The following BBS5 variants were observed in gnomAD, a reference collection of about 807,000 sequenced individuals.
BBS5 encodes Bardet-Biedl syndrome 5, also known as BBSome complex member BBS5.
A neutral mutation model predicts 50.2 loss-of-function variants in BBS5; 39 were observed. The observed-to-expected ratio is 0.78, with a 90% confidence interval of 0.60 to 1.01. BBS5 has a LOEUF of 1.01. Among genes scored for constraint, BBS5 ranks in the 50% least tolerant of loss-of-function variants. The probability of loss-of-function intolerance (pLI) is 0.00; values close to 1 mark genes in which losing one functional copy is unlikely to be tolerated. For missense variants in BBS5, 356 were observed against 401.5 expected (o/e 0.89, Z 0.97); for synonymous variants, 134 against 133.1 (o/e 1.01, Z -0.05).
chr2:169,505,145 C>T lies in BBS5; in HGVS notation c.*563C>T, dbSNP rs947983521. 24 of 688,630 alleles carry T rather than the reference C, an allele frequency of 3.5e-5. No homozygotes were observed. Among genetic ancestry groups the T allele is most frequent in the Middle Eastern group, 3.6e-4 (1 of 2,746 alleles). 42.7% of individuals were successfully genotyped at this position (688,630 alleles called of 1,614,324 possible). A position where few individuals can be genotyped will look rare whatever the true frequency, so the allele number is the denominator to read the frequency against. On this transcript the variant is annotated 3_prime_UTR_variant, in exon 12 of 12. Transcript: ENST00000295240. ...GGTTTTCGTATTTTTTTGGTGGAGA[C>T]GGGGTTTCGCTGTGTTGGCCGGGCT...
At chr2:169,502,999 T>C in intron 9 of BBS5, 96 bp from the exon 10 acceptor site, 1 of 893,250 alleles carries the variant, frequency 1.1e-6, no homozygotes, top group South Asian at 1.4e-5. Flanking sequence ...TTTATAAGAC[T>C]TTAGTAGTTT....
chr2:169,495,572 G>A (rs1683677633), intron 7 of BBS5, among the ~76,000 whole-genome samples: 1 of 152,084 alleles, frequency 6.6e-6, no homozygotes, highest in Admixed American at 6.6e-5. Flanking sequence ...TCAGCTTCTT[G>A]CCAGTTTCTG....
At chr2:169,503,920 C>T (rs1477270132) in intron 10 of BBS5, among the ~76,000 whole-genome samples, 2 of 152,140 alleles carry the variant, frequency 1.3e-5, no homozygotes, top group African/African-American at 4.8e-5. Context: ...TTTTGTTTTG[C>T]CAGTATCATC....
intron 8 of BBS5, 64 bp from the exon 9 acceptor site, chr2:169,499,422 C>G: frequency 6.7e-7 from 1 of 1,491,416 alleles, no homozygotes; most frequent in Non-Finnish European, 9.2e-7. Context: ...TATAATTTAT[C>G]TTATACTATA....
At position 169,487,994 on chromosome 2, in the gene BBS5, G is replaced by A. The variant is rs931751345; in HGVS notation, c.266G>A (p.Arg89Gln). ...ITTRTANSKL[R>Q]GQTEALYILT... ...ATAAATTTGTCCTTACAGAAATTAC[G>A]AGGCCAAACTGAAGCTCTCTATATA... is the stretch of plus-strand genomic sequence containing the variant. The change falls in exon 5 of 12, where the codon CGA (arginine) becomes CAA (glutamine). Residue 89 changes from arginine (R) to glutamine (Q), a missense_variant. Physicochemically the swap from Arg to Gln is conservative, Grantham distance 43. Transcript: ENST00000295240. 13 of 1,613,452 alleles carry A rather than the reference G, an allele frequency of 8.1e-6. No homozygotes were observed. Among genetic ancestry groups the A allele is most frequent in the East Asian group, 2.2e-5 (1 of 44,818 alleles).
chr2:169,479,764 C>A, intron 1 of BBS5, 152 bp downstream of exon 1: 1 of 885,690 alleles, frequency 1.1e-6, no homozygotes, highest in Non-Finnish European at 1.8e-6. Context: ...CGAGAGACCT[C>A]AGGCTGGTTG....
chr2:169,495,810 C>T (rs1683681602), intron 7 of BBS5, among the ~76,000 whole-genome samples: 1 of 152,142 alleles, frequency 6.6e-6, no homozygotes, highest in Non-Finnish European at 1.5e-5. Flanking sequence ...CGTGCACAGC[C>T]ACACCTGGCT....
At chr2:169,493,079 A>AT in intron 6 of BBS5, 70 bp downstream of exon 6, 1 of 1,530,836 alleles carries the variant, frequency 6.5e-7, no homozygotes, top group South Asian at 1.1e-5. Flanking sequence ...TCATCATTGG[A>AT]TTTATATAGT....
intron 1 of BBS5, among the ~76,000 whole-genome samples, chr2:169,481,711 TC>T (rs1450274569): frequency 6.6e-6 from 1 of 152,126 alleles, no homozygotes; most frequent in African/African-American, 2.4e-5. Flanking sequence ...TTTGTCAAAT[TC>T]CAAAGATGCT....
chr2:169,484,692 C>T (rs1401676922), intron 2 of BBS5, among the ~76,000 whole-genome samples: 2 of 152,186 alleles, frequency 1.3e-5, no homozygotes, highest in African/African-American at 4.8e-5. Context: ...GCCCATAGCT[C>T]ATAGCCCAGT....
chr2:169,487,978 T>C lies in BBS5; in HGVS notation c.259-9T>C, dbSNP rs922930783. On this transcript the variant is annotated splice_polypyrimidine_tract_variant and intron_variant, in intron 4 of 11. Coordinates refer to ENST00000295240, the MANE Select transcript of BBS5 (RefSeq NM_152384.3). ...AAATCTGAACTTTTAAATAAATTTG[T>C]CCTTACAGAAATTACGAGGCCAAAC... 2 of 1,613,436 alleles carry C rather than the reference T, an allele frequency of 1.2e-6. No individual in the cohort carries two copies. Among genetic ancestry groups the C allele is most frequent in the South Asian group, 1.1e-5 (1 of 90,988 alleles).
chr2:169,492,793 C>G (rs1221257931), intron 5 of BBS5, 81 bp from the exon 6 acceptor site: 1 of 1,194,886 alleles, frequency 8.4e-7, no homozygotes, highest in Non-Finnish European at 1.2e-6. Context: ...ATACTAACAA[C>G]TACATATTTT....
At chr2:169,498,038 G>A (rs1683727185) in intron 8 of BBS5, among the ~76,000 whole-genome samples, 1 of 152,180 alleles carries the variant, frequency 6.6e-6, no homozygotes, top group Non-Finnish European at 1.5e-5. Flanking sequence ...CTGAGGCTTT[G>A]AGAAGTTAGG....
At chr2:169,479,644 A>C (rs760684458) in intron 1 of BBS5, 32 bp downstream of exon 1, 1 of 1,613,322 alleles carries the variant, frequency 6.2e-7, no homozygotes, top group South Asian at 1.1e-5. Context: ...GGGATCTTCA[A>C]CCCTGTAGAG....
rs890414590 is a variant in BBS5, at chr2:169,505,679, T to C, written c.*1097T>C. On this transcript the variant is annotated 3_prime_UTR_variant, in exon 12 of 12. Coordinates refer to ENST00000295240, the MANE Select transcript of BBS5 (RefSeq NM_152384.3). ...CTGAGAAGTGAGGAGACCCTCCGCC[T>C]GGCAACCGCCCCGTCTGATAAGTAA... 29 of 217,746 alleles carry C rather than the reference T, an allele frequency of 1.3e-4. No individual in the cohort carries two copies. The highest frequency in any genetic ancestry group is 6.7e-4 in the African/African-American group (27 of 40,450). The allele number at this position is 217,746 out of a possible 1,614,324, so 13.5% of individuals were successfully genotyped here.
intron 9 of BBS5, 55 bp from the exon 10 acceptor site, chr2:169,503,040 C>A: frequency 3.1e-6 from 4 of 1,289,812 alleles, no homozygotes; most frequent in South Asian, 2.4e-5. Context: ...ATTTGCAGTT[C>A]TCATGGTACA....
intron 5 of BBS5, among the ~76,000 whole-genome samples, chr2:169,489,851 CTTT>C (rs71003093): frequency 1.5e-5 from 1 of 65,898 alleles, no homozygotes; most frequent in Non-Finnish European, 2.6e-5. Context: ...CATAAATTTC[CTTT>C]TTTTTTTTTT....
chr2:169,498,738 C>T (rs1366822970), intron 8 of BBS5, among the ~76,000 whole-genome samples: 1 of 146,950 alleles, frequency 6.8e-6, no homozygotes, highest in East Asian at 2.1e-4. Context: ...ACCCGGGAGG[C>T]GGAGCTTGCA....
intron 9 of BBS5, among the ~76,000 whole-genome samples, chr2:169,500,310 G>C (rs1197918968): frequency 6.6e-6 from 1 of 152,152 alleles, no homozygotes; most frequent in Non-Finnish European, 1.5e-5. Context: ...CAGTACCCTT[G>C]CTAGAGGCGC....
Sources: gnomAD v4.1 joint callset for allele counts (sites outside exome capture counted in the v4.1 genomes callset) on GRCh38, gnomAD v4.1.1 for gene constraint, MANE v1.5 for transcripts, NCBI Gene and HGNC (gene_info 2026-07-23, HGNC 2026-07-21) for gene names.